The following LHFPL3 variants were observed in gnomAD, a reference collection of about 807,000 sequenced individuals.
The protein encoded by LHFPL3 is LHFPL tetraspan subfamily member 3 protein.
LHFPL3 carries 5 observed loss-of-function variants against 19.3 expected under a neutral mutation model. That is an observed-to-expected ratio of 0.26 (90% CI 0.14 to 0.54). The LOEUF (loss-of-function observed/expected upper bound fraction) is 0.54. LHFPL3 is among the 20% of genes least tolerant of loss of function. LHFPL3 has a pLI of 0.94. For synonymous variants in LHFPL3, 133 were observed against 126.2 expected (o/e 1.05, Z -0.36); for missense variants, 249 against 307.4 (o/e 0.81, Z 1.42).
intron 1 of LHFPL3, among the ~76,000 whole-genome samples, chr7:104,676,635 G>A (rs1792598507): frequency 6.6e-6 from 1 of 152,180 alleles, no homozygotes; most frequent in African/African-American, 2.4e-5. Context: ...CTTAGAAATA[G>A]CACTGGTAAA....
chr7:104,506,142 G>A (rs1047591374), intron 1 of LHFPL3, among the ~76,000 whole-genome samples: 2 of 151,884 alleles, frequency 1.3e-5, no homozygotes, highest in Non-Finnish European at 2.9e-5. Flanking sequence ...TCAGCCTCCC[G>A]AGTAGCTGGG....
chr7:104,428,137 C>T (rs554556797), intron 1 of LHFPL3, among the ~76,000 whole-genome samples: 1 of 152,226 alleles, frequency 6.6e-6, no homozygotes, highest in African/African-American at 2.4e-5. Flanking sequence ...AATTATGCAG[C>T]CTTTGCCTAA....
chr7:104,570,951 T>C (rs182962420), intron 1 of LHFPL3, among the ~76,000 whole-genome samples: 2,977 of 152,314 alleles, frequency 0.02, 84 homozygotes, highest in African/African-American at 0.067. Flanking sequence ...TATTGGCTGT[T>C]ATTATTTTGT....
intron 1 of LHFPL3, among the ~76,000 whole-genome samples, chr7:104,456,885 T>A (rs1017129216): frequency 7.9e-5 from 12 of 152,192 alleles, no homozygotes; most frequent in African/African-American, 2.7e-4. Context: ...CATTTAAAAC[T>A]TATGAATTGT....
At chr7:104,390,832 C>T (rs769483648) in intron 1 of LHFPL3, among the ~76,000 whole-genome samples, 40 of 152,198 alleles carry the variant, frequency 2.6e-4, no homozygotes, top group Non-Finnish European at 4.6e-4. Context: ...TCTCCACATC[C>T]TCTCCAGCAC....
At chr7:104,504,768 A>T (rs1793664460) in intron 1 of LHFPL3, among the ~76,000 whole-genome samples, 1 of 152,148 alleles carries the variant, frequency 6.6e-6, no homozygotes, top group Non-Finnish European at 1.5e-5. Flanking sequence ...TACCATTAAA[A>T]CCAGAATTCA....
intron 1 of LHFPL3, among the ~76,000 whole-genome samples, chr7:104,590,901 T>G (rs1790703232): frequency 6.6e-6 from 1 of 152,196 alleles, no homozygotes; most frequent in Non-Finnish European, 1.5e-5. Context: ...CTTTGTTGGT[T>G]TAAAGTCTGT....
chr7:104,624,515 G>C (rs1293025031), intron 1 of LHFPL3, among the ~76,000 whole-genome samples: 1 of 152,186 alleles, frequency 6.6e-6, no homozygotes, highest in Admixed American at 6.5e-5. Context: ...AACCATAGTG[G>C]GGAAAAGGGG....
intron 1 of LHFPL3, among the ~76,000 whole-genome samples, chr7:104,628,923 A>G (rs900207095): frequency 6.6e-5 from 10 of 152,200 alleles, no homozygotes; most frequent in Non-Finnish European, 1.2e-4. Context: ...CTCAAACCCA[A>G]GAAATGAATG....
intron 1 of LHFPL3, among the ~76,000 whole-genome samples, chr7:104,672,200 T>G (rs1020227392): frequency 6.6e-6 from 1 of 152,052 alleles, no homozygotes; most frequent in African/African-American, 2.4e-5. Flanking sequence ...GTGGCTTGGT[T>G]TTTCCTGGCT....
chr7:104,623,356 G>A (rs908058126), intron 1 of LHFPL3, among the ~76,000 whole-genome samples: 4 of 152,120 alleles, frequency 2.6e-5, no homozygotes, highest in African/African-American at 4.8e-5. Flanking sequence ...AAGGCTGGGT[G>A]CAGTGGCTCA....
At chr7:104,561,927 C>T (rs1489656894) in intron 1 of LHFPL3, among the ~76,000 whole-genome samples, 1 of 152,012 alleles carries the variant, frequency 6.6e-6, no homozygotes, top group Non-Finnish European at 1.5e-5. Flanking sequence ...GATTTTATTT[C>T]TCCTTCACTT....
At chr7:104,416,797 A>G (rs1356435129) in intron 1 of LHFPL3, among the ~76,000 whole-genome samples, 1 of 152,186 alleles carries the variant, frequency 6.6e-6, no homozygotes, top group Non-Finnish European at 1.5e-5. Flanking sequence ...CAATGAGCAG[A>G]AATTTATTTG....
chr7:104,435,915 G>A (rs917602189), intron 1 of LHFPL3, among the ~76,000 whole-genome samples: 1 of 151,912 alleles, frequency 6.6e-6, no homozygotes, highest in Admixed American at 6.6e-5. Context: ...ATTCTAGAAG[G>A]GAAATGGCAA....
chr7:104,858,043 A>G (rs1470187254), intron 2 of LHFPL3, among the ~76,000 whole-genome samples: 2 of 152,190 alleles, frequency 1.3e-5, no homozygotes, highest in Non-Finnish European at 2.9e-5. Context: ...GTATCTCACC[A>G]TCAATATAAA....
At chr7:104,884,562 C>CTT (rs34249148) in intron 2 of LHFPL3, among the ~76,000 whole-genome samples, 15 of 152,072 alleles carry the variant, frequency 9.9e-5, no homozygotes, top group African/African-American at 3.6e-4. Flanking sequence ...TTAGTAAGAT[C>CTT]TTTTTTTAAT....
intron 2 of LHFPL3, among the ~76,000 whole-genome samples, chr7:104,774,670 A>T (rs1197632207): frequency 6.6e-6 from 1 of 152,236 alleles, no homozygotes; most frequent in African/African-American, 2.4e-5. Context: ...ACTTTTTTAG[A>T]AAAAGAGTAC....
intron 2 of LHFPL3, among the ~76,000 whole-genome samples, chr7:104,864,725 G>A (rs1584584412): frequency 6.6e-6 from 1 of 152,226 alleles, no homozygotes; most frequent in African/African-American, 2.4e-5. Flanking sequence ...GTCCCTGTCT[G>A]ACAGCTTTGA....
At chr7:104,849,362 G>A (rs1166441260) in intron 2 of LHFPL3, among the ~76,000 whole-genome samples, 1 of 152,190 alleles carries the variant, frequency 6.6e-6, no homozygotes, top group Non-Finnish European at 1.5e-5. Flanking sequence ...CCGAGAGTCT[G>A]AAGAACCAGC....
Sources: allele counts gnomAD v4.1 joint callset (sites outside exome capture counted in the v4.1 genomes callset), GRCh38; gene constraint gnomAD v4.1.1; transcripts MANE v1.5; gene names NCBI Gene and HGNC (gene_info 2026-07-23, HGNC 2026-07-21).